Variants in CNTN5 observed in about 807,000 individuals in gnomAD.
CNTN5 encodes the protein contactin 5.
In CNTN5, 77 loss-of-function variants were observed where a neutral mutation model predicts 129.1. That is an observed-to-expected ratio of 0.60 (90% CI 0.50 to 0.72). CNTN5 has a LOEUF of 0.72. CNTN5 is among the 30% of genes least tolerant of loss of function. The pLI, the probability that CNTN5 is intolerant of heterozygous loss-of-function variation, is 0.00. For missense variants in CNTN5, 1,478 were observed against 1,328.8 expected (o/e 1.11, Z -1.75); for synonymous variants, 509 against 465.6 (o/e 1.09, Z -1.20).
At chr11:100,260,413 G>A (rs913781825) in intron 17 of CNTN5, among the ~76,000 whole-genome samples, 1 of 152,140 alleles carries the variant, frequency 6.6e-6, no homozygotes, top group African/African-American at 2.4e-5. Flanking sequence ...CCAAACATTA[G>A]AGAAAGAGGG....
chr11:99,687,676 G>C (rs1259294253), intron 3 of CNTN5, among the ~76,000 whole-genome samples: 2 of 152,158 alleles, frequency 1.3e-5, no homozygotes, highest in Non-Finnish European at 2.9e-5. Flanking sequence ...GTGGCTCAGT[G>C]ATAATTGATA....
At chr11:99,649,658 T>A (rs1952084518) in intron 3 of CNTN5, among the ~76,000 whole-genome samples, 1 of 151,682 alleles carries the variant, frequency 6.6e-6, no homozygotes, top group Non-Finnish European at 1.5e-5. Flanking sequence ...AGATAAAAAA[T>A]GAAGAAAGCA....
intron 6 of CNTN5, among the ~76,000 whole-genome samples, chr11:99,906,268 G>A (rs1949503296): frequency 6.6e-6 from 1 of 152,042 alleles, no homozygotes; most frequent in African/African-American, 2.4e-5. Flanking sequence ...TACTGGCTGT[G>A]GGTTTTTCAT....
At chr11:100,100,530 T>G (rs1181654872) in intron 13 of CNTN5, among the ~76,000 whole-genome samples, 1 of 152,082 alleles carries the variant, frequency 6.6e-6, no homozygotes, top group African/African-American at 2.4e-5. Flanking sequence ...CCATCCACTG[T>G]CTGTAAACTC....
chr11:99,618,642 C>T (rs1055884190), intron 3 of CNTN5, among the ~76,000 whole-genome samples: 2 of 152,106 alleles, frequency 1.3e-5, no homozygotes, highest in Non-Finnish European at 2.9e-5. Flanking sequence ...AATGATTAAG[C>T]CTGTCATCAG....
chr11:99,535,492 A>G (rs1947867413), intron 2 of CNTN5, among the ~76,000 whole-genome samples: 1 of 152,182 alleles, frequency 6.6e-6, no homozygotes, highest in Non-Finnish European at 1.5e-5. Flanking sequence ...TATTGTTGCC[A>G]AAATCTACTT....
At chr11:99,392,910 A>T (rs919978157) in intron 2 of CNTN5, among the ~76,000 whole-genome samples, 4 of 152,060 alleles carry the variant, frequency 2.6e-5, no homozygotes, top group Admixed American at 6.6e-5. Context: ...AGTTATATTC[A>T]ATTCACTATA....
At chr11:99,792,571 G>GTC (rs200702136) in intron 3 of CNTN5, among the ~76,000 whole-genome samples, 5,599 of 134,314 alleles carry the variant, frequency 0.042, 117 homozygotes, top group South Asian at 0.077. Context: ...GTGTGTGTGT[G>GTC]TGTGTCTGTC....
At chr11:100,282,981 G>T (rs1950674246) in intron 18 of CNTN5, among the ~76,000 whole-genome samples, 1 of 152,144 alleles carries the variant, frequency 6.6e-6, no homozygotes, top group African/African-American at 2.4e-5. Flanking sequence ...ACCCTTCAGG[G>T]CAATGGGCTC....
Position 100,061,297 on chromosome 11 carries a change from A to G in CNTN5, c.1066A>G (p.Ile356Val), listed in dbSNP as rs1478695159. The change falls in exon 10 of 25, where the codon ATA becomes GTA. Residue 356 changes from isoleucine (I) to valine (V), a missense_variant. Transcript: ENST00000524871. ...RLRKSQAVLEIPNVQLDDAGI... is the reference protein window; with the variant it reads ...RLRKSQAVLEVPNVQLDDAGI... ...GCGGAAATCTCAGGCGGTGCTGGAA[A>G]TACCGAATGTACAGCTGGATGATGC... is the stretch of plus-strand genomic sequence containing the variant. 4 of 1,613,626 alleles carry G rather than the reference A, an allele frequency of 2.5e-6. No homozygotes were observed. Among genetic ancestry groups the G allele is most frequent in the Admixed American group, 3.3e-5 (2 of 59,992 alleles).
intron 3 of CNTN5, among the ~76,000 whole-genome samples, chr11:99,758,015 C>A (rs1020475715): frequency 8.6e-5 from 13 of 151,956 alleles, no homozygotes; most frequent in African/African-American, 3.1e-4. Context: ...ATTTTAGAAA[C>A]AAAATACTAA....
rs144035956 is a variant in CNTN5, at chr11:99,832,824, A to G, written c.278-12028A>G. On this transcript the variant is annotated intron_variant, in intron 4 of 24. Coordinates refer to ENST00000524871, the MANE Select transcript of CNTN5 (RefSeq NM_014361.4). ...TAGGCTGCTATTTCCTTTATATTAT[A>G]TTACTGAGACACTTAGTTTACATTA... Among the ~76,000 whole-genome samples the G allele has an allele frequency of 5.2e-3, 785 of 152,316 alleles. 16 individuals carry two copies. Among genetic ancestry groups the G allele is most frequent in the African/African-American group, 0.018 (745 of 41,582 alleles).
At chr11:99,755,783 T>C (rs1723139690) in intron 3 of CNTN5, among the ~76,000 whole-genome samples, 1 of 152,120 alleles carries the variant, frequency 6.6e-6, no homozygotes, top group African/African-American at 2.4e-5. Context: ...ACTTCTAAGC[T>C]GCCTTCCTAC....
intron 2 of CNTN5, among the ~76,000 whole-genome samples, chr11:99,527,310 C>A (rs1021165371): frequency 3.3e-5 from 5 of 152,134 alleles, no homozygotes; most frequent in Admixed American, 2.6e-4. Flanking sequence ...ACCTTATGTT[C>A]CCTTCAAGAA....
At chr11:100,299,988 CT>C (rs1359796550) in intron 20 of CNTN5, among the ~76,000 whole-genome samples, 2 of 151,434 alleles carry the variant, frequency 1.3e-5, no homozygotes, top group African/African-American at 4.8e-5. Flanking sequence ...GGTTACACTG[CT>C]TGTAACTGAG....
chr11:100,265,344 G>T (rs1052980742), intron 17 of CNTN5, among the ~76,000 whole-genome samples: 2 of 152,072 alleles, frequency 1.3e-5, no homozygotes, highest in African/African-American at 4.8e-5. Context: ...CACAAGGTTT[G>T]CATGCTCCAA....
At chr11:99,270,217 T>A (rs1863109321) in intron 1 of CNTN5, among the ~76,000 whole-genome samples, 1 of 151,910 alleles carries the variant, frequency 6.6e-6, no homozygotes, top group Admixed American at 6.6e-5. Flanking sequence ...GAAATGTGTT[T>A]ATTGAGTAAT....
chr11:99,114,947 G>A (rs1857973453), intron 1 of CNTN5, among the ~76,000 whole-genome samples: 1 of 152,108 alleles, frequency 6.6e-6, no homozygotes, highest in South Asian at 2.1e-4. Context: ...GACCATAAAC[G>A]CAAAACTCTT....
intron 1 of CNTN5, among the ~76,000 whole-genome samples, chr11:99,223,367 A>G (rs373067248): frequency 2.6e-5 from 4 of 152,190 alleles, no homozygotes; most frequent in East Asian, 3.8e-4. Flanking sequence ...GCTAACATCA[A>G]TATAAAATTA....
Sources: allele counts gnomAD v4.1 joint callset (sites outside exome capture counted in the v4.1 genomes callset), GRCh38; gene constraint gnomAD v4.1.1; transcripts MANE v1.5; gene names NCBI Gene and HGNC (gene_info 2026-07-23, HGNC 2026-07-21).